PLGRKT: variants seen among roughly 807,000 people sequenced by gnomAD.
PLGRKT encodes the protein plasminogen receptor (KT).
Under a neutral mutation model 18.5 loss-of-function variants are expected in PLGRKT, and 22 were observed. That is an observed-to-expected ratio of 1.19 (90% CI 0.85 to 1.70). PLGRKT has a LOEUF of 1.70. Ranked by LOEUF, PLGRKT falls within the 40% of genes most tolerant of loss-of-function variation. PLGRKT has a pLI of 0.00. For synonymous variants in PLGRKT, 72 were observed against 52.8 expected (o/e 1.36, Z -1.58); for missense variants, 235 against 174.4 (o/e 1.35, Z -1.96).
intron 3 of PLGRKT, among the ~76,000 whole-genome samples, chr9:5,369,599 C>T (rs944043840): frequency 1.5e-4 from 23 of 152,100 alleles, no homozygotes; most frequent in African/African-American, 5.6e-4. Flanking sequence ...TGGTTATATA[C>T]CCAAAGGATT....
At chr9:5,432,698 G>A (rs1271343983) in intron 2 of PLGRKT, among the ~76,000 whole-genome samples, 2 of 152,160 alleles carry the variant, frequency 1.3e-5, no homozygotes, top group Admixed American at 6.5e-5. Flanking sequence ...GGGTTTTGCC[G>A]TGTTGACTGG....
chr9:5,362,985 C>G (rs1817300082), intron 3 of PLGRKT, among the ~76,000 whole-genome samples: 1 of 152,002 alleles, frequency 6.6e-6, no homozygotes, highest in Admixed American at 6.6e-5. Flanking sequence ...AGAGAGGCCG[C>G]TTCCATCTCC....
At chr9:5,373,030 T>A (rs950481520) in intron 3 of PLGRKT, among the ~76,000 whole-genome samples, 1 of 152,170 alleles carries the variant, frequency 6.6e-6, no homozygotes, top group Non-Finnish European at 1.5e-5. Context: ...CACGTTAATA[T>A]GGAAAATTGG....
intron 3 of PLGRKT, among the ~76,000 whole-genome samples, chr9:5,390,902 C>A (rs916440941): frequency 6.6e-6 from 1 of 151,908 alleles, no homozygotes; most frequent in Admixed American, 6.6e-5. Flanking sequence ...GTTCTATTTA[C>A]TAACATAATT....
rs140490515 is a variant in PLGRKT at position 5,405,408 on chromosome 9, T to C, written c.81+26489A>G. 2.7e-3 allele frequency among the ~76,000 whole-genome samples: 405 copies of C among 152,116 alleles called. 3 individuals are homozygous for C. Among genetic ancestry groups the C allele is most frequent in the South Asian group, 0.013 (62 of 4,818 alleles). Reference sequence around the variant, plus strand: ...CAGCATGGTACTGGTATTTTTAAAATAGACACATAAACCAATGGAACAGAA... The same window carrying C: ...CAGCATGGTACTGGTATTTTTAAAACAGACACATAAACCAATGGAACAGAA... On this transcript the variant is annotated intron_variant, in intron 3 of 5. Transcript: ENST00000223864.
At chr9:5,419,441 A>T (rs891887608) in intron 3 of PLGRKT, among the ~76,000 whole-genome samples, 69 of 152,362 alleles carry the variant, frequency 4.5e-4, no homozygotes, top group African/African-American at 1.6e-3. Context: ...TGCTGGCTAC[A>T]GAGGCCACGG....
intron 3 of PLGRKT, among the ~76,000 whole-genome samples, chr9:5,382,515 T>A (rs150392047): frequency 1.3e-5 from 2 of 152,214 alleles, no homozygotes; most frequent in African/African-American, 4.8e-5. Context: ...CATGGTGAAT[T>A]TGAGGAAATG....
intron 3 of PLGRKT, among the ~76,000 whole-genome samples, chr9:5,405,849 A>T (rs910673295): frequency 1.3e-5 from 2 of 152,214 alleles, no homozygotes; most frequent in Non-Finnish European, 2.9e-5. Flanking sequence ...AAATTTTTGC[A>T]ATCTATCCAT....
At chr9:5,419,052 CT>C in intron 3 of PLGRKT, 1 of 383,872 alleles carries the variant, frequency 2.6e-6, no homozygotes. Context: ...CGCTCTGCGT[CT>C]TTCCAGTGCA....
At chr9:5,391,963 A>T (rs1425615034) in intron 3 of PLGRKT, among the ~76,000 whole-genome samples, 2 of 151,922 alleles carry the variant, frequency 1.3e-5, no homozygotes, top group Admixed American at 1.3e-4. Context: ...CCTTAGCTGC[A>T]AGGATGCACA....
chr9:5,425,877 G>A (rs1818687743), intron 3 of PLGRKT, among the ~76,000 whole-genome samples: 1 of 152,112 alleles, frequency 6.6e-6, no homozygotes. Flanking sequence ...AAAAACTCCA[G>A]TAGGATAAGA....
Position 5,358,150 on chromosome 9 carries a change from T to C in PLGRKT, c.*89A>G. The C allele has an allele frequency of 1.1e-6, 1 of 871,904 alleles. No individual in the cohort carries two copies. The highest frequency in any genetic ancestry group is 1.8e-6 in the Non-Finnish European group (1 of 563,770). The allele number at this position is 871,904 out of a possible 1,614,324, so 54.0% of individuals were successfully genotyped here. On this transcript the variant is annotated 3_prime_UTR_variant, in exon 6 of 6. Coordinates refer to ENST00000223864, the MANE Select transcript of PLGRKT (RefSeq NM_018465.4). ...TAATATTTTAAAATAAAATCTATAA[T>C]ATCAAAATCTTGAGCATTTAAAAAA...
At chr9:5,371,928 T>A (rs1245710509) in intron 3 of PLGRKT, among the ~76,000 whole-genome samples, 1 of 150,756 alleles carries the variant, frequency 6.6e-6, no homozygotes, top group Non-Finnish European at 1.5e-5. Context: ...CTATAATAAT[T>A]AGGATACCTA....
At chr9:5,410,286 G>A (rs10815209) in intron 3 of PLGRKT, among the ~76,000 whole-genome samples, 37,635 of 151,718 alleles carry the variant, frequency 0.25, 4,963 homozygotes, top group African/African-American at 0.32. Flanking sequence ...CTGTAATCCC[G>A]GCACTTTGGG....
chr9:5,423,767 T>G (rs1393393133), intron 3 of PLGRKT, among the ~76,000 whole-genome samples: 1 of 150,510 alleles, frequency 6.6e-6, no homozygotes, highest in African/African-American at 2.5e-5. Context: ...AGTGGCATAA[T>G]CACAGCTCAC....
chr9:5,383,317 A>C (rs900764244), intron 3 of PLGRKT, among the ~76,000 whole-genome samples: 1 of 152,306 alleles, frequency 6.6e-6, no homozygotes, highest in East Asian at 1.9e-4. Flanking sequence ...CAGTTGTTTA[A>C]AACTAGCACA....
At chr9:5,378,954 A>G (rs1267532714) in intron 3 of PLGRKT, among the ~76,000 whole-genome samples, 1 of 152,148 alleles carries the variant, frequency 6.6e-6, no homozygotes, top group East Asian at 1.9e-4. Flanking sequence ...ATGCCACAAT[A>G]AAACATCCCA....
At chr9:5,424,758 G>A (rs139027293) in intron 3 of PLGRKT, among the ~76,000 whole-genome samples, 35 of 144,762 alleles carry the variant, frequency 2.4e-4, no homozygotes, top group African/African-American at 8.1e-4. Context: ...GTTTTGTCAC[G>A]TTGCCCGGGC....
intron 3 of PLGRKT, among the ~76,000 whole-genome samples, chr9:5,374,752 T>G (rs1817595418): frequency 6.6e-6 from 1 of 152,332 alleles, no homozygotes; most frequent in African/African-American, 2.4e-5. Flanking sequence ...AAAAGTAGAT[T>G]ATGGAAAGTA....
Sources: allele counts gnomAD v4.1 joint callset (sites outside exome capture counted in the v4.1 genomes callset), GRCh38; gene constraint gnomAD v4.1.1; transcripts MANE v1.5; gene names NCBI Gene and HGNC (gene_info 2026-07-23, HGNC 2026-07-21).